PCDHGB3: variants seen among roughly 807,000 people sequenced by gnomAD.
PCDHGB3 encodes the protein protocadherin gamma-B3.
In PCDHGB3, 40 loss-of-function variants were observed where a neutral mutation model predicts 59.2. The ratio of observed to expected loss-of-function variants is 0.68; its 90% CI spans 0.52 to 0.88. The LOEUF (loss-of-function observed/expected upper bound fraction) is 0.88. Ranked by LOEUF, PCDHGB3 falls within the 40% of genes least tolerant of loss-of-function variation. The pLI is 0.00. For synonymous variants in PCDHGB3, 581 were observed against 503.6 expected (o/e 1.15, Z -2.06); for missense variants, 1,309 against 1,187.9 (o/e 1.10, Z -1.50).
chr5:141,486,091 G>A lies in PCDHGB3; in HGVS notation c.2416-8716G>A, dbSNP rs2099624256. On this transcript the variant is annotated intron_variant, in intron 1 of 3. Coordinates refer to ENST00000576222, the MANE Select transcript of PCDHGB3 (RefSeq NM_018924.5). This position sits in a 1 kb window ranked among gnomAD's most constrained non-coding sequence, Gnocchi z 5.0. ...CTACTGGAAAGCTTACTCTTTTGGGGCCCCTAGACTTTGAGAGTGAGAATT... is the reference window on the plus strand; with the variant it reads ...CTACTGGAAAGCTTACTCTTTTGGGACCCCTAGACTTTGAGAGTGAGAATT... 2 of 1,614,158 alleles carry A rather than the reference G, an allele frequency of 1.2e-6. No homozygotes were observed. Among genetic ancestry groups the A allele is most frequent in the Non-Finnish European group, 1.7e-6 (2 of 1,180,024 alleles).
intron 1 of PCDHGB3, chr5:141,382,974 A>G: frequency 6.2e-7 from 1 of 1,610,398 alleles, no homozygotes; most frequent in Non-Finnish European, 8.5e-7. Flanking sequence ...CCCCCTGGGA[A>G]GCCTGGGCAG....
intron 1 of PCDHGB3, chr5:141,403,965 A>G: frequency 6.2e-7 from 1 of 1,613,864 alleles, no homozygotes; most frequent in Non-Finnish European, 8.5e-7. Flanking sequence ...ATTTCGGTGG[A>G]AGATGTAAAT....
chr5:141,392,802 A>G (rs2092597829), intron 1 of PCDHGB3: 7 of 1,572,582 alleles, frequency 4.5e-6, no homozygotes, highest in Non-Finnish European at 6.0e-6. Context: ...AGGATTCTGC[A>G]GCAAAACAAC....
chr5:141,412,301 T>C (rs925243467), intron 1 of PCDHGB3: 3 of 152,260 alleles, frequency 2.0e-5, no homozygotes, highest in Non-Finnish European at 2.9e-5. Context: ...TCTTTTCTCA[T>C]TACAATGCAA....
intron 1 of PCDHGB3, among the ~76,000 whole-genome samples, chr5:141,447,378 T>C (rs2098536967): frequency 6.6e-6 from 1 of 152,148 alleles, no homozygotes; most frequent in Non-Finnish European, 1.5e-5. Context: ...ACCCTGGTGA[T>C]CTGCCCACCT....
At chr5:141,415,737 A>G in intron 1 of PCDHGB3, 1 of 574,948 alleles carries the variant, frequency 1.7e-6, no homozygotes, top group Non-Finnish European at 2.5e-6. Flanking sequence ...GATGTTTATT[A>G]AGGTTTTTTT....
intron 1 of PCDHGB3, chr5:141,384,393 G>A (rs763875742): frequency 1.2e-6 from 2 of 1,613,790 alleles, no homozygotes; most frequent in Non-Finnish European, 1.7e-6. Context: ...CCATCCAGGG[G>A]GCTCCAGTGT....
intron 1 of PCDHGB3, chr5:141,387,775 A>C (rs2091090328): frequency 6.9e-7 from 1 of 1,450,000 alleles, no homozygotes; most frequent in South Asian, 1.4e-5. Context: ...TTTTTTCTTG[A>C]ACTGGAACTG....
chr5:141,441,819 G>A (rs1040935030), intron 1 of PCDHGB3: 6 of 359,092 alleles, frequency 1.7e-5, no homozygotes, highest in Non-Finnish European at 3.3e-5. Context: ...CCCCAGCTCT[G>A]GAGCGCAATG....
chr5:141,409,034 A>C, intron 1 of PCDHGB3: 1 of 1,613,992 alleles, frequency 6.2e-7, no homozygotes, highest in Non-Finnish European at 8.5e-7. Context: ...TGCTGAGATA[A>C]ACTACTACTT....
rs372235829 is a variant in PCDHGB3, at chr5:141,381,798, C to CTCTTTCTTTCTT, written c.2415+9002_2415+9013dup. On this transcript the variant is annotated intron_variant, in intron 1 of 3. Transcript: ENST00000576222. ...ATCAGGAACAAGGCAAGGCAATTCC[C>CTCTTTCTTTCTT]TCTTTCTTTCTTTCTTTCTTTCTTC... 5.9e-4 allele frequency among the ~76,000 whole-genome samples: 85 copies of CTCTTTCTTTCTT among 144,150 alleles called. 1 individual carries two copies. Among genetic ancestry groups the CTCTTTCTTTCTT allele is most frequent in the African/African-American group, 2.2e-3 (83 of 37,512 alleles). 94.6% of individuals were successfully genotyped at this position (144,150 alleles called of 152,430 possible).
chr5:141,451,182 C>T (rs2154563496), intron 1 of PCDHGB3, among the ~76,000 whole-genome samples: 1 of 152,226 alleles, frequency 6.6e-6, no homozygotes, highest in Non-Finnish European at 1.5e-5. Flanking sequence ...TTAGCCATTG[C>T]TGTGTAACAA....
intron 2 of PCDHGB3, among the ~76,000 whole-genome samples, 199 bp downstream of exon 2, chr5:141,495,064 C>T (rs563712352): frequency 6.6e-6 from 1 of 152,296 alleles, no homozygotes; most frequent in South Asian, 2.1e-4. Context: ...GTTCAGGAAG[C>T]TCAATTCACA....
intron 2 of PCDHGB3, among the ~76,000 whole-genome samples, chr5:141,497,483 C>T (rs1039341023): frequency 6.6e-6 from 1 of 150,378 alleles, no homozygotes; most frequent in Non-Finnish European, 1.5e-5. Context: ...AGGTGCGGAA[C>T]CTCTCTCTCT....
At chr5:141,501,881 C>T (rs1396427606) in intron 2 of PCDHGB3, among the ~76,000 whole-genome samples, 1 of 152,124 alleles carries the variant, frequency 6.6e-6, no homozygotes, top group East Asian at 1.9e-4. Context: ...CCTTACACTC[C>T]TGATCATCAT....
intron 1 of PCDHGB3, among the ~76,000 whole-genome samples, chr5:141,444,152 ATTTTTTTTTTTTTTTTTT>A (rs747671382): frequency 4.1e-4 from 14 of 33,898 alleles, no homozygotes; most frequent in South Asian, 2.1e-3. Flanking sequence ...TGTGTACTGG[ATTTTTTTTTTTTTTTTTT>A]TTTTTTTTTT....
chr5:141,383,761 C>G (rs923900490), intron 1 of PCDHGB3: 15 of 1,613,834 alleles, frequency 9.3e-6, no homozygotes, highest in Non-Finnish European at 1.1e-5. Flanking sequence ...AACTCCTAAA[C>G]TTCCAAAGAT....
Position 141,511,253 on chromosome 5 carries a change from A to G in PCDHGB3, c.*80A>G. The G allele has an allele frequency of 1.3e-6, 2 of 1,568,402 alleles. No homozygotes were observed. The highest frequency in any genetic ancestry group is 1.7e-6 in the Non-Finnish European group (2 of 1,157,066). On this transcript the variant is annotated 3_prime_UTR_variant, in exon 4 of 4. Coordinates refer to ENST00000576222, the MANE Select transcript of PCDHGB3 (RefSeq NM_018924.5). ...CTCCTTACCTGCACCCAGGCCTCAG[A>G]GTTTCAGGGCTAACCCCCAGAATAC...
intron 1 of PCDHGB3, chr5:141,383,525 A>C: frequency 6.2e-7 from 1 of 1,612,320 alleles, no homozygotes; most frequent in Non-Finnish European, 8.5e-7. Context: ...CGGGTTCACC[A>C]CCTGGTCCTC....
Sources: gnomAD v4.1 joint callset for allele counts (sites outside exome capture counted in the v4.1 genomes callset) on GRCh38, gnomAD v4.1.1 for gene constraint, Gnocchi (gnomAD v3.1) non-coding constraint, MANE v1.5 for transcripts, NCBI Gene and HGNC (gene_info 2026-07-23, HGNC 2026-07-21) for gene names.